Variants in ZNF512B observed in about 807,000 individuals in gnomAD.
ZNF512B encodes zinc finger protein 512B.
In ZNF512B, 22 loss-of-function variants were observed where a neutral mutation model predicts 87.8. That is an observed-to-expected ratio of 0.25 (90% CI 0.18 to 0.36). The LOEUF is 0.36. Among genes scored for constraint, ZNF512B ranks in the 10% least tolerant of loss-of-function variants. The probability of loss-of-function intolerance (pLI) is 1.00; values close to 1 mark genes in which losing one functional copy is unlikely to be tolerated. For synonymous variants in ZNF512B, 524 were observed against 490.9 expected, an observed-to-expected ratio of 1.07 and a Z score of -0.89; for missense variants, 1,060 against 1,231.6, an observed-to-expected ratio of 0.86 and a Z score of 2.09.
In ZNF512B at chr20:63,959,968, A is replaced by G. The variant is rs1210369080; in HGVS notation, c.2599T>C (p.Trp867Arg). ...VAKLPPRRDD[W>R]PPGCRDKGAR... Reference sequence around the variant, plus strand: ...CCCTTGTCTCTGCATCCTGGAGGCCAGTCGTCCCGGCGCGGGGGCAGCTTG... The same window carrying G: ...CCCTTGTCTCTGCATCCTGGAGGCCGGTCGTCCCGGCGCGGGGGCAGCTTG... The change falls in exon 17 of 17, where the codon TGG becomes CGG. Residue 867 changes from tryptophan (W) to arginine (R), a missense_variant. Physicochemically the swap from Trp to Arg is moderately radical, Grantham distance 101. This residue lies in a region of ZNF512B where 253 missense variants were observed against 259.2 expected (regional missense o/e 0.98). Transcript: ENST00000369888. 6.2e-7 allele frequency: 1 copy of G among 1,612,082 alleles called. No individual in the cohort carries two copies. The highest frequency in any genetic ancestry group is 1.7e-5 in the Admixed American group (1 of 59,980).
At chr20:63,967,622 G>A in intron 2 of ZNF512B, 99 bp from the exon 3 acceptor site, 1 of 1,495,680 alleles carries the variant, frequency 6.7e-7, no homozygotes, top group Non-Finnish European at 8.9e-7. Flanking sequence ...CCAACACGAG[G>A]GCACCGGGGG....
At chr20:63,962,406 A>G in intron 13 of ZNF512B, 32 bp from the exon 14 acceptor site, 1 of 1,591,714 alleles carries the variant, frequency 6.3e-7, no homozygotes, top group Non-Finnish European at 8.5e-7. Flanking sequence ...GGTGAGCCTG[A>G]GGCCAGAAGA....
At position 63,966,291 on chromosome 20, in the gene ZNF512B, G is replaced by T; in HGVS notation, c.884C>A (p.Thr295Lys). ...TKPVPVTKPV[T>K]VSRPIVVSKP... ...GCTGACCACAATGGGCCTGCTGACT[G>T]TCACTGGCTTGGTGACCGGCACGGG... Residue 295 changes from threonine to lysine, a missense_variant, in exon 5 of 17, where the codon ACA (threonine) becomes AAA (lysine). This residue lies in a region of ZNF512B where 201 missense variants were observed against 226.8 expected (regional missense o/e 0.89). Coordinates refer to ENST00000369888, the MANE Select transcript of ZNF512B (RefSeq NM_020713.3). 1 of 1,612,766 alleles carries T rather than the reference G, an allele frequency of 6.2e-7. No homozygotes were observed. The highest frequency in any genetic ancestry group is 8.5e-7 in the Non-Finnish European group (1 of 1,179,306).
At chr20:63,969,226 C>T (rs1052214297) in intron 1 of ZNF512B, 2 of 975,432 alleles carry the variant, frequency 2.1e-6, no homozygotes, top group African/African-American at 3.5e-5. Flanking sequence ...GGCCCCACTT[C>T]CAATTTTTCT....
Position 63,963,186 on chromosome 20 carries a change from TC to T in ZNF512B, c.1876del (p.Asp626ThrfsTer72). 1 of 1,547,880 alleles carries T rather than the reference TC, an allele frequency of 6.5e-7. No homozygotes were observed. On this transcript the variant is annotated frameshift_variant, in exon 12 of 17. Coordinates refer to ENST00000369888, the MANE Select transcript of ZNF512B (RefSeq NM_020713.3). LOFTEE classifies it high-confidence loss of function. ...GTGGGTGCAGGGGAAGGAGGGGCTG[TC>T]CACCTCGCAGGGCGGCTTCCCGCAG... ...RRCGKPPCEV[D>X]SPSFPCTHCG...
At position 63,963,285 on chromosome 20, in the gene ZNF512B, G is replaced by A. The variant is rs2058876303; in HGVS notation, c.1798-20C>T. 12 of 1,539,466 alleles carry A rather than the reference G, an allele frequency of 7.8e-6. No homozygotes were observed. Among genetic ancestry groups the A allele is most frequent in the Non-Finnish European group, 1.0e-5 (12 of 1,145,896 alleles). ...GCAACCCTGGGGGTCAGGCCAGAGG[G>A]TGGGTGAGTGGCCAGCAGGGCCCCC... On this transcript the variant is annotated intron_variant, in intron 11 of 16. Coordinates refer to ENST00000369888, the MANE Select transcript of ZNF512B (RefSeq NM_020713.3).
rs899273041 is a variant in ZNF512B, at chr20:63,958,301, C to G, written c.*1587G>C. 1 of 152,560 alleles carries G rather than the reference C, an allele frequency of 6.6e-6. No homozygotes were observed. The highest frequency in any genetic ancestry group is 1.9e-4 in the East Asian group (1 of 5,194). 9.5% of individuals were successfully genotyped at this position (152,560 alleles called of 1,614,324 possible). On this transcript the variant is annotated 3_prime_UTR_variant, in exon 17 of 17. Coordinates refer to ENST00000369888, the MANE Select transcript of ZNF512B (RefSeq NM_020713.3). The stretch of plus-strand genomic sequence containing the variant: ...AAGGGACCCCAACCCCAGAGACCCA[C>G]GCCCTGGTCCAGCCCAGCCCCCAGG...
rs1195393501 is a variant in ZNF512B at position 63,967,480 on chromosome 20, G to A, written c.165C>T (p.Ala55=). The A allele has an allele frequency of 5.0e-6, 8 of 1,611,984 alleles. No homozygotes were observed. In the South Asian group the frequency reaches 7.7e-5, roughly 16 times the overall value. The change falls in exon 3 of 17, where the codon GCC becomes GCT. Residue 55 remains alanine (A), a synonymous_variant. Transcript: ENST00000369888. ...GACTTCCCGGGTCAAAGCAGAGAGG[G>A]GCCTGGCCGGGCACTGTCTGTCCAC... ...VRGGQTVPGQ[A]PLCFDPGSPA... is the part of the protein sequence containing the mutation.
rs768413532 is a variant in ZNF512B, at chr20:63,963,203, C to T, written c.1860G>A (p.Lys620=). 1.2e-5 allele frequency: 18 copies of T among 1,546,794 alleles called. No individual in the cohort carries two copies. In the African/African-American group the frequency reaches 2.5e-4, roughly 21 times the overall value. The part of the protein sequence containing the change: ...GYQYHQRRCG[K]PPCEVDSPSF... ...AGGGGCTGTCCACCTCGCAGGGCGG[C>T]TTCCCGCAGCGCCGCTGGTGGTACT... Residue 620 remains lysine, a synonymous_variant, in exon 12 of 17, where the codon AAG becomes AAA. Coordinates refer to ENST00000369888, the MANE Select transcript of ZNF512B (RefSeq NM_020713.3).
rs868495025 is a variant in ZNF512B, at chr20:63,961,480, T to C, written c.2329-73A>G. The stretch of plus-strand genomic sequence containing the variant: ...TCTGTCCTAAGCCCCTACTCATGGC[T>C]AAAGGGTCAGAGTCAGCGGTGGCCC... On this transcript the variant is annotated intron_variant, in intron 15 of 16. Coordinates refer to ENST00000369888, the MANE Select transcript of ZNF512B (RefSeq NM_020713.3). The surrounding 1 kb of genome is among the most constrained non-coding windows in gnomAD (Gnocchi z 6.4). The C allele has an allele frequency of 7.0e-7, 1 of 1,433,472 alleles. No individual in the cohort carries two copies. The highest frequency in any genetic ancestry group is 1.8e-4 in the Middle Eastern group (1 of 5,706). 88.8% of individuals were successfully genotyped at this position (1,433,472 alleles called of 1,614,324 possible). A position where few individuals can be genotyped will look rare whatever the true frequency, so the allele number is the denominator to read the frequency against.
Position 63,961,412 on chromosome 20 carries a change from A to G in ZNF512B, c.2329-5T>C, listed in dbSNP as rs1429936074. 1 of 1,610,662 alleles carries G rather than the reference A, an allele frequency of 6.2e-7. No homozygotes were observed. The highest frequency in any genetic ancestry group is 1.7e-5 in the Admixed American group (1 of 59,990). On this transcript the variant is annotated splice_polypyrimidine_tract_variant and splice_region_variant and intron_variant, in intron 15 of 16. Coordinates refer to ENST00000369888, the MANE Select transcript of ZNF512B (RefSeq NM_020713.3). The surrounding 1 kb of genome is among the most constrained non-coding windows in gnomAD (Gnocchi z 6.4). ...CTTCCCTGCCAGGTGGGCCCCCTGC[A>G]ATGCATAGGCAGGCCAGTGCCCCAG...
At position 63,957,891 on chromosome 20, in the gene ZNF512B, T is replaced by G. The variant is rs2058785135; in HGVS notation, c.*1997A>C. 1 of 106,916 alleles carries G rather than the reference T, an allele frequency of 9.4e-6. No individual in the cohort carries two copies. The highest frequency in any genetic ancestry group is 1.9e-5 in the Non-Finnish European group (1 of 53,776). 6.6% of individuals were successfully genotyped at this position (106,916 alleles called of 1,614,324 possible). A position where few individuals can be genotyped will look rare whatever the true frequency, so the allele number is the denominator to read the frequency against. On this transcript the variant is annotated 3_prime_UTR_variant, in exon 17 of 17. Coordinates refer to ENST00000369888, the MANE Select transcript of ZNF512B (RefSeq NM_020713.3). ...CAGCTGCCAGACCCCACCCTCCACC[T>G]CCGGCTCCTCCAGCTCCACCAGTGA...
intron 14 of ZNF512B, 122 bp from the exon 15 acceptor site, chr20:63,962,126 G>A: frequency 1.5e-6 from 2 of 1,330,016 alleles, no homozygotes; most frequent in Admixed American, 2.0e-5. Context: ...GTGAGTCCTG[G>A]GGACTGGGCA....
rs553012708 is a variant in ZNF512B at position 63,966,909 on chromosome 20, G to A, written c.360C>T (p.Tyr120=). The change falls in exon 4 of 17, where the codon TAC becomes TAT. Residue 120 remains tyrosine, a synonymous_variant. Coordinates refer to ENST00000369888, the MANE Select transcript of ZNF512B (RefSeq NM_020713.3). ...SGCWLEFPSI[Y]GLKYHYQRCQ... is the part of the protein sequence containing the mutation. Reference sequence around the variant, plus strand: ...ACCGCTGGTAATGGTACTTGAGCCCGTAGATGCTGGGGAACTCCAGCCAGC... The same window carrying A: ...ACCGCTGGTAATGGTACTTGAGCCCATAGATGCTGGGGAACTCCAGCCAGC... The A allele has an allele frequency of 7.4e-6, 12 of 1,613,868 alleles. No individual in the cohort carries two copies. The highest frequency in any genetic ancestry group is 4.0e-5 in the African/African-American group (3 of 75,060).
chr20:63,958,912 C>T lies in ZNF512B; in HGVS notation c.*976G>A, dbSNP rs2058822266. 1 of 152,448 alleles carries T rather than the reference C, an allele frequency of 6.6e-6. No individual in the cohort carries two copies. Among genetic ancestry groups the T allele is most frequent in the Admixed American group, 6.5e-5 (1 of 15,288 alleles). 9.4% of individuals were successfully genotyped at this position (152,448 alleles called of 1,614,324 possible). Reference sequence around the variant, plus strand: ...CCCAGATTGGCAGACAGAAGGCTGCCTTTCCCCCAGTGGCCACTCAGAGCC... The same window carrying T: ...CCCAGATTGGCAGACAGAAGGCTGCTTTTCCCCCAGTGGCCACTCAGAGCC... On this transcript the variant is annotated 3_prime_UTR_variant, in exon 17 of 17. Coordinates refer to ENST00000369888, the MANE Select transcript of ZNF512B (RefSeq NM_020713.3).
chr20:63,964,882 C>CT (rs1569197939), intron 5 of ZNF512B, among the ~76,000 whole-genome samples, 166 bp from the exon 6 acceptor site: 28 of 74,250 alleles, frequency 3.8e-4, no homozygotes, highest in African/African-American at 7.3e-4. Context: ...ACCACTGTTC[C>CT]CTGACCTGGG....
chr20:63,966,512 G>C lies in ZNF512B; in HGVS notation c.663C>G (p.Pro221=), dbSNP rs1256585760. The change falls in exon 5 of 17, where the codon CCC becomes CCG. Residue 221 remains proline, a synonymous_variant. Transcript: ENST00000369888. The part of the protein sequence containing the change: ...GISKPVSVGR[P]MPVTKAIPVT... Reference sequence around the variant, plus strand: ...CCGGGATGGCCTTGGTGACTGGCATGGGTCTGCCGACCGAGACTGGCTTGC... The same window carrying C: ...CCGGGATGGCCTTGGTGACTGGCATCGGTCTGCCGACCGAGACTGGCTTGC... The C allele has an allele frequency of 2.5e-6, 4 of 1,614,040 alleles. No individual in the cohort carries two copies. Among genetic ancestry groups the C allele is most frequent in the Non-Finnish European group, 3.4e-6 (4 of 1,180,046 alleles).
At position 63,959,588 on chromosome 20, in the gene ZNF512B, G is replaced by A. The variant is rs2058827562; in HGVS notation, c.*300C>T. 3 of 420,500 alleles carry A rather than the reference G, an allele frequency of 7.1e-6. No individual in the cohort carries two copies. Among genetic ancestry groups the A allele is most frequent in the South Asian group, 6.1e-5 (1 of 16,336 alleles). 26.0% of individuals were successfully genotyped at this position (420,500 alleles called of 1,614,324 possible). A position where few individuals can be genotyped will look rare whatever the true frequency, so the allele number is the denominator to read the frequency against. On this transcript the variant is annotated 3_prime_UTR_variant, in exon 17 of 17. Coordinates refer to ENST00000369888, the MANE Select transcript of ZNF512B (RefSeq NM_020713.3). ...GCCAAAGGCCATCTGCCTACTCTGC[G>A]CTGCAGCCCCTGTGGCACCAAGACC...
intron 3 of ZNF512B, 58 bp downstream of exon 3, chr20:63,967,323 C>A: frequency 6.5e-7 from 1 of 1,537,592 alleles, no homozygotes; most frequent in East Asian, 2.3e-5. Flanking sequence ...CAGGGCAGGG[C>A]AGTGGCTGGA....
Sources: allele counts gnomAD v4.1 joint callset (sites outside exome capture counted in the v4.1 genomes callset), GRCh38; gene constraint gnomAD v4.1.1; regional missense constraint gnomAD v4.1.1; non-coding constraint Gnocchi (gnomAD v3.1); transcripts MANE v1.5; gene names NCBI Gene and HGNC (gene_info 2026-07-23, HGNC 2026-07-21).